Variants in RNF138 observed in about 807,000 individuals in gnomAD.
RNF138 encodes the protein ring finger protein 138.
A neutral mutation model predicts 31.0 loss-of-function variants in RNF138; 12 were observed. That is an observed-to-expected ratio of 0.39 (90% CI 0.25 to 0.63). RNF138 has a LOEUF of 0.63. RNF138 is among the 20% of genes least tolerant of loss of function. The pLI is 0.52. For missense variants in RNF138, 192 were observed against 300.1 expected, an observed-to-expected ratio of 0.64 and a Z score of 2.66; for synonymous variants, 105 against 99.5, an observed-to-expected ratio of 1.06 and a Z score of -0.33.
At chr18:32,123,381 T>C in intron 4 of RNF138, 137 bp from the exon 5 acceptor site, 1 of 504,818 alleles carries the variant, frequency 2.0e-6, no homozygotes, top group Non-Finnish European at 3.4e-6. Context: ...AAGGACCCAA[T>C]AGGAAAAAGG....
Position 32,130,192 on chromosome 18 carries a change from G to T in RNF138, c.*1005G>T, listed in dbSNP as rs976697725. 1.3e-5 allele frequency: 2 copies of T among 152,182 alleles called. No individual in the cohort carries two copies. Among genetic ancestry groups the T allele is most frequent in the African/African-American group, 4.8e-5 (2 of 41,332 alleles). 9.4% of individuals were successfully genotyped at this position (152,182 alleles called of 1,614,324 possible). A position where few individuals can be genotyped will look rare whatever the true frequency, so the allele number is the denominator to read the frequency against. The stretch of plus-strand genomic sequence containing the variant: ...AATGGACAAGCAATAGGGGGTTGAA[G>T]TGTTTATCTGATTTGTTTAAAATTT... On this transcript the variant is annotated 3_prime_UTR_variant, in exon 8 of 8. Transcript: ENST00000261593.
At chr18:32,096,066 AAGAC>A (rs2039799094) in intron 2 of RNF138, among the ~76,000 whole-genome samples, 1 of 152,226 alleles carries the variant, frequency 6.6e-6, no homozygotes, top group African/African-American at 2.4e-5. Flanking sequence ...GCTGGAGCCA[AAGAC>A]AGCGTAGTGG....
At chr18:32,128,309 G>A (rs1159655230) in intron 7 of RNF138, among the ~76,000 whole-genome samples, 2 of 152,198 alleles carry the variant, frequency 1.3e-5, no homozygotes, top group African/African-American at 4.8e-5. Flanking sequence ...AGGCCGAGGC[G>A]GGTGGATCAC....
rs1390599958 is a variant in RNF138, at chr18:32,106,037, GT to G, written c.111-5714del. 1.1e-4 allele frequency among the ~76,000 whole-genome samples: 16 copies of G among 152,244 alleles called. No individual in the cohort carries two copies. The East Asian group carries it at 2.1e-3, about 20-fold the overall frequency. On this transcript the variant is annotated intron_variant, in intron 2 of 7. Transcript: ENST00000261593. ...TTCTCTCTTGGAATACCTATTGCAT[GT>G]TTCTCCTTTCCCTTGTGCATTTTAA...
intron 7 of RNF138, among the ~76,000 whole-genome samples, chr18:32,128,427 A>T (rs762169665): frequency 2.0e-5 from 3 of 152,100 alleles, no homozygotes; most frequent in Non-Finnish European, 4.4e-5. Flanking sequence ...AATCCTAGCT[A>T]CTTGGCAGGC....
chr18:32,119,084 G>A (rs1459592414), intron 4 of RNF138, among the ~76,000 whole-genome samples: 2 of 152,138 alleles, frequency 1.3e-5, no homozygotes, highest in African/African-American at 4.8e-5. Flanking sequence ...ATAATGTGAG[G>A]TAGGAAAAAT....
intron 2 of RNF138, among the ~76,000 whole-genome samples, chr18:32,111,089 G>A (rs1321646188): frequency 1.3e-5 from 2 of 152,238 alleles, no homozygotes; most frequent in Admixed American, 1.3e-4. Flanking sequence ...AAAGCCGGAA[G>A]TATTCTTAAG....
chr18:32,096,078 T>G (rs1442426760), intron 2 of RNF138, among the ~76,000 whole-genome samples: 1 of 152,162 alleles, frequency 6.6e-6, no homozygotes, highest in Admixed American at 6.5e-5. Context: ...GACAGCGTAG[T>G]GGAGATGGAG....
In RNF138 at chr18:32,119,378, G is replaced by C. The variant is rs141172429; in HGVS notation, c.393-4140G>C. ...GCCTCCTAAAGTGTTGGGATCACAG[G>C]CATGAGCCTCTGTGGTGCCTGGCCT... On this transcript the variant is annotated intron_variant, in intron 4 of 7. Coordinates refer to ENST00000261593, the MANE Select transcript of RNF138 (RefSeq NM_016271.5). Among the ~76,000 whole-genome samples the C allele has an allele frequency of 2.9e-4, 44 of 152,150 alleles. 2 individuals carry two copies. In the East Asian group the frequency reaches 7.9e-3, roughly 27 times the overall value.
intron 3 of RNF138, among the ~76,000 whole-genome samples, chr18:32,112,537 C>T (rs1001498193): frequency 7.9e-5 from 12 of 152,038 alleles, no homozygotes; most frequent in Non-Finnish European, 1.6e-4. Flanking sequence ...AATAAAAAAT[C>T]AGCCAGGTGT....
Position 32,092,887 on chromosome 18 carries a change from G to C in RNF138, c.110+1G>C. ...TGCGGACCACGGCCTGTCAGCACGT[G>C]TGAGTAGACGCCCCCTCCCCCTCGC... On this transcript the variant is annotated splice_donor_variant, in intron 2 of 7. Coordinates refer to ENST00000261593, the MANE Select transcript of RNF138 (RefSeq NM_016271.5). LOFTEE classifies it high-confidence loss of function. The C allele has an allele frequency of 6.6e-7, 1 of 1,518,748 alleles. No individual in the cohort carries two copies. The highest frequency in any genetic ancestry group is 8.9e-7 in the Non-Finnish European group (1 of 1,124,612). 94.1% of individuals were successfully genotyped at this position (1,518,748 alleles called of 1,614,324 possible). A position where few individuals can be genotyped will look rare whatever the true frequency, so the allele number is the denominator to read the frequency against.
At chr18:32,121,201 T>C (rs1322013017) in intron 4 of RNF138, among the ~76,000 whole-genome samples, 1 of 151,072 alleles carries the variant, frequency 6.6e-6, no homozygotes, top group Non-Finnish European at 1.5e-5. Flanking sequence ...AAAATAAAAA[T>C]TTTTTCAATC....
At chr18:32,110,376 C>G (rs1415887274) in intron 2 of RNF138, among the ~76,000 whole-genome samples, 1 of 152,198 alleles carries the variant, frequency 6.6e-6, no homozygotes, top group Non-Finnish European at 1.5e-5. Context: ...GAGCACTTTC[C>G]TGACCATGAC....
At chr18:32,126,558 T>C (rs767941495) in intron 6 of RNF138, 135 bp from the exon 7 acceptor site, 1 of 538,044 alleles carries the variant, frequency 1.9e-6, no homozygotes, top group Non-Finnish European at 3.3e-6. Flanking sequence ...GATCTAGTCA[T>C]GGAACTTGGC....
chr18:32,099,326 C>T (rs1448151972), intron 2 of RNF138, among the ~76,000 whole-genome samples: 6 of 152,080 alleles, frequency 3.9e-5, no homozygotes, highest in East Asian at 1.9e-4. Flanking sequence ...GAGAATAATT[C>T]GTTTTATGTC....
intron 2 of RNF138, 68 bp from the exon 3 acceptor site, chr18:32,111,686 T>A: frequency 8.2e-7 from 1 of 1,212,350 alleles, no homozygotes; most frequent in South Asian, 1.4e-5. Flanking sequence ...ATCACTTGTT[T>A]GTATTTAATT....
chr18:32,105,762 A>C (rs1331605211), intron 2 of RNF138, among the ~76,000 whole-genome samples: 1 of 152,238 alleles, frequency 6.6e-6, no homozygotes, highest in Admixed American at 6.5e-5. Flanking sequence ...ATATCGGAAG[A>C]CCACAAGCAG....
intron 3 of RNF138, 26 bp from the exon 4 acceptor site, chr18:32,113,718 TA>T (rs770100839): frequency 3.2e-5 from 35 of 1,077,322 alleles, no homozygotes; most frequent in Non-Finnish European, 4.5e-5. Flanking sequence ...TATTTTAAAT[TA>T]AAAGTCACAT....
intron 2 of RNF138, among the ~76,000 whole-genome samples, chr18:32,094,139 T>C (rs945616106): frequency 3.5e-4 from 54 of 152,306 alleles, no homozygotes; most frequent in African/African-American, 1.0e-3. Context: ...AAGTTACGTG[T>C]GTTTGCAAAC....
Sources: allele counts gnomAD v4.1 joint callset (sites outside exome capture counted in the v4.1 genomes callset), GRCh38; gene constraint gnomAD v4.1.1; transcripts MANE v1.5; gene names NCBI Gene and HGNC (gene_info 2026-07-23, HGNC 2026-07-21).